The following ZRSR2 variants were observed in gnomAD, a reference collection of about 807,000 sequenced individuals.
The protein encoded by ZRSR2 is zinc finger CCCH-type, RNA binding motif and serine/arginine rich 2, also known as U2 small nuclear ribonucleoprotein auxiliary factor 35 kDa subunit-related protein 2.
ZRSR2 carries 3 observed loss-of-function variants against 39.4 expected under a neutral mutation model. The ratio of observed to expected loss-of-function variants is 0.08; its 90% CI spans 0.03 to 0.20. The LOEUF is 0.20. ZRSR2 is among the 10% of genes least tolerant of loss of function. ZRSR2 has a pLI of 1.00. For synonymous variants in ZRSR2, 137 were observed against 136.0 expected (o/e 1.01, Z -0.05); for missense variants, 256 against 391.5 (o/e 0.65, Z 2.92).
intron 5 of ZRSR2, among the ~76,000 whole-genome samples, chrX:15,805,288 A>G (rs1932768744): frequency 1.8e-5 from 2 of 111,762 alleles, no homozygotes; most frequent in African/African-American, 3.3e-5. Flanking sequence ...ATTGTTTGGA[A>G]CTTGTCATTT....
At chrX:15,815,464 C>T (rs1932953085) in intron 7 of ZRSR2, among the ~76,000 whole-genome samples, 1 of 111,880 alleles carries the variant, frequency 8.9e-6, no homozygotes, top group African/African-American at 3.2e-5. Context: ...CGCCAACACG[C>T]CCGGCTAATT....
intron 10 of ZRSR2, 87 bp from the exon 11 acceptor site, chrX:15,822,644 T>C: frequency 2.5e-6 from 3 of 1,189,801 alleles, no homozygotes; most frequent in Non-Finnish European, 3.4e-6. Flanking sequence ...CATATCCAAA[T>C]ATCAGAAATG....
At chrX:15,814,727 G>A (rs1044254816) in intron 7 of ZRSR2, among the ~76,000 whole-genome samples, 1 of 111,868 alleles carries the variant, frequency 8.9e-6, no homozygotes, top group Non-Finnish European at 1.9e-5. Flanking sequence ...CCATATGACT[G>A]ACTTGGGCAA....
chrX:15,797,540 T>A (rs1932521841), intron 2 of ZRSR2, among the ~76,000 whole-genome samples: 2 of 112,374 alleles, frequency 1.8e-5, no homozygotes, highest in African/African-American at 6.5e-5. Context: ...AGATTTATAT[T>A]TATGGTAGCA....
At chrX:15,820,399 T>G in intron 10 of ZRSR2, 83 bp downstream of exon 10, 1 of 930,921 alleles carries the variant, frequency 1.1e-6, no homozygotes, top group Non-Finnish European at 1.5e-6. Context: ...CCCAGTATTT[T>G]CAAGTGGTGA....
At chrX:15,820,096 A>G (rs374290062) in intron 9 of ZRSR2, 111 bp from the exon 10 acceptor site, 28 of 673,346 alleles carry the variant, frequency 4.2e-5, no homozygotes, top group East Asian at 2.3e-4. Flanking sequence ...GTACAAAATC[A>G]GTGAACTTGG....
chrX:15,804,522 T>C (rs1339505856), intron 5 of ZRSR2, among the ~76,000 whole-genome samples: 1 of 111,802 alleles, frequency 8.9e-6, no homozygotes, highest in Non-Finnish European at 1.9e-5. Context: ...TCTGCCAGTG[T>C]ACCCTGAAAG....
chrX:15,815,554 G>A (rs1341716311), intron 7 of ZRSR2, 123 bp from the exon 8 acceptor site: 3 of 556,434 alleles, frequency 5.4e-6, no homozygotes, highest in Admixed American at 3.2e-5. Flanking sequence ...TGATTCACCC[G>A]CCTCGGCCTC....
chrX:15,817,792 A>G (rs1286357028), intron 8 of ZRSR2, among the ~76,000 whole-genome samples: 2 of 111,363 alleles, frequency 1.8e-5, no homozygotes, highest in Non-Finnish European at 3.8e-5. Context: ...TGGATGAAAA[A>G]TTGGAAGCAT....
intron 3 of ZRSR2, chrX:15,801,736 G>T (rs947829515): frequency 2.7e-5 from 3 of 111,565 alleles, no homozygotes; most frequent in African/African-American, 9.8e-5. Flanking sequence ...CAATAGATAC[G>T]GTATGAAATA....
At chrX:15,806,607 A>G (rs923645648) in intron 5 of ZRSR2, among the ~76,000 whole-genome samples, 1 of 109,644 alleles carries the variant, frequency 9.1e-6, no homozygotes, top group African/African-American at 3.3e-5. Context: ...TTGTATTTTT[A>G]GTAGAGACAG....
chrX:15,790,612 G>A (rs1932238873), intron 1 of ZRSR2, 76 bp downstream of exon 1: 1 of 1,118,701 alleles, frequency 8.9e-7, no homozygotes, highest in Non-Finnish European at 1.2e-6. Context: ...AGGAAGAAAA[G>A]AGAAGCTGGG....
At chrX:15,814,507 A>T (rs1050408806) in intron 7 of ZRSR2, among the ~76,000 whole-genome samples, 1 of 111,892 alleles carries the variant, frequency 8.9e-6, no homozygotes, top group African/African-American at 3.3e-5. Context: ...CGCCTATGGC[A>T]TGCGCCAGCT....
In ZRSR2 at chrX:15,809,323, C is replaced by G. The variant is rs1327265870; in HGVS notation, c.557+5C>G. On this transcript the variant is annotated splice_donor_5th_base_variant and intron_variant, in intron 7 of 10. Coordinates refer to ENST00000307771, the MANE Select transcript of ZRSR2 (RefSeq NM_005089.4). ...AGCTTGCAGATTTGGAGATAGGTAA[C>G]TAATTTTGTTTTATCATGTCAGAAT... The G allele has an allele frequency of 4.3e-6, 5 of 1,159,597 alleles. No individual in the cohort carries two copies. Among genetic ancestry groups the G allele is most frequent in the Non-Finnish European group, 5.9e-6 (5 of 851,454 alleles).
In ZRSR2 at chrX:15,815,665, T is replaced by A. The variant is rs753541919; in HGVS notation, c.558-12T>A. 1.2e-5 allele frequency: 14 copies of A among 1,179,965 alleles called. No individual in the cohort carries two copies. In the South Asian group the frequency reaches 2.4e-4, roughly 20 times the overall value. ...TTGGCCTAGTGAATTTAAGCTTTTC[T>A]TTCATACGCAGATGTTCACGTAAAC... On this transcript the variant is annotated splice_polypyrimidine_tract_variant and intron_variant, in intron 7 of 10. Transcript: ENST00000307771.
chrX:15,796,073 G>A, intron 2 of ZRSR2, among the ~76,000 whole-genome samples: 1 of 108,797 alleles, frequency 9.2e-6, no homozygotes, highest in East Asian at 2.9e-4. Context: ...CTGTCGCCCA[G>A]GCTGGAGTGC....
chrX:15,815,424 G>A (rs1932952009), intron 7 of ZRSR2, among the ~76,000 whole-genome samples: 1 of 112,507 alleles, frequency 8.9e-6, no homozygotes, highest in East Asian at 2.8e-4. Context: ...AGCCTCCTGA[G>A]TAGCTGGGAT....
intron 9 of ZRSR2, among the ~76,000 whole-genome samples, chrX:15,819,636 T>C (rs1263595633): frequency 9.0e-6 from 1 of 111,442 alleles, no homozygotes; most frequent in African/African-American, 3.3e-5. Context: ...TTACATAGTT[T>C]TGAATGTTTT....
intron 2 of ZRSR2, among the ~76,000 whole-genome samples, chrX:15,799,671 A>G (rs947111931): frequency 3.6e-5 from 4 of 111,166 alleles, no homozygotes; most frequent in African/African-American, 1.3e-4. Context: ...TTTAAATGTA[A>G]TGTGCTATCT....
Sources: allele counts gnomAD v4.1 joint callset (sites outside exome capture counted in the v4.1 genomes callset), GRCh38; gene constraint gnomAD v4.1.1; transcripts MANE v1.5; gene names NCBI Gene and HGNC (gene_info 2026-07-23, HGNC 2026-07-21).